The following DRAM2 variants were observed in gnomAD, a reference collection of about 807,000 sequenced individuals.
DRAM2 encodes DNA damage regulated autophagy modulator 2.
A neutral mutation model predicts 33.5 loss-of-function variants in DRAM2; 26 were observed. The observed-to-expected ratio is 0.78, with a 90% CI of 0.57 to 1.08. The LOEUF is 1.08. Among genes scored for constraint, DRAM2 ranks in the 50% least tolerant of loss-of-function variants. The pLI, the probability that DRAM2 is intolerant of heterozygous loss-of-function variation, is 0.00. For synonymous variants in DRAM2, 98 were observed against 109.5 expected, an observed-to-expected ratio of 0.89 and a Z score of 0.66; for missense variants, 311 against 318.1, an observed-to-expected ratio of 0.98 and a Z score of 0.17.
At chr1:111,127,531 A>C in intron 4 of DRAM2, among the ~76,000 whole-genome samples, 1 of 152,316 alleles carries the variant, frequency 6.6e-6, no homozygotes, top group Non-Finnish European at 1.5e-5. Flanking sequence ...AACAATTATA[A>C]AATAATAAAT....
chr1:111,133,251 C>T (rs1652488176), intron 3 of DRAM2, among the ~76,000 whole-genome samples: 1 of 150,142 alleles, frequency 6.7e-6, no homozygotes, highest in Admixed American at 6.6e-5. Context: ...AATCTCGGCT[C>T]GCTGCAACCT....
chr1:111,117,302 C>T lies in DRAM2; in HGVS notation c.*858G>A, dbSNP rs922476176. On this transcript the variant is annotated 3_prime_UTR_variant, in exon 10 of 10. Coordinates refer to ENST00000484310, the MANE Select transcript of DRAM2 (RefSeq NM_001349884.2). ...TACTTTTACATGTAATTATAACTTGCCATAAATGAAAATCTAAGAAGCTCT... is the reference window on the plus strand; with the variant it reads ...TACTTTTACATGTAATTATAACTTGTCATAAATGAAAATCTAAGAAGCTCT... 5.9e-5 allele frequency: 9 copies of T among 152,022 alleles called. No homozygotes were observed. The highest frequency in any genetic ancestry group is 2.2e-4 in the African/African-American group (9 of 41,418). 9.4% of individuals were successfully genotyped at this position (152,022 alleles called of 1,614,324 possible).
Position 111,119,818 on chromosome 1 carries a change from G to C in DRAM2, c.600+59C>G, listed in dbSNP as rs551519354. On this transcript the variant is annotated intron_variant, in intron 8 of 9. Transcript: ENST00000484310. ...ACTGATGAAATGAAAAACATATCAA[G>C]ATCAATCAAAATAACCATCTTTAAT... The C allele has an allele frequency of 3.6e-5, 48 of 1,328,400 alleles. 1 individual carries two copies. The South Asian group carries it at 5.4e-4, about 15-fold the overall frequency. The allele number at this position is 1,328,400 out of a possible 1,614,324, so 82.3% of individuals were successfully genotyped here.
intron 2 of DRAM2, among the ~76,000 whole-genome samples, chr1:111,137,899 A>G (rs1448065781): frequency 2.0e-5 from 3 of 152,244 alleles, no homozygotes; most frequent in African/African-American, 7.2e-5. Flanking sequence ...ACATGAGGAA[A>G]AAAATAATAG....
intron 7 of DRAM2, 47 bp from the exon 8 acceptor site, chr1:111,120,006 A>G (rs1384702697): frequency 1.3e-6 from 2 of 1,509,560 alleles, no homozygotes; most frequent in African/African-American, 2.8e-5. Flanking sequence ...GATCTCAGAG[A>G]ACAAAAATCA....
At chr1:111,135,698 G>C (rs142627799) in intron 3 of DRAM2, among the ~76,000 whole-genome samples, 44 of 152,218 alleles carry the variant, frequency 2.9e-4, no homozygotes, top group African/African-American at 8.2e-4. Flanking sequence ...TTTGTATGTA[G>C]AAATAAGCAC....
intron 8 of DRAM2, chr1:111,119,489 C>T (rs1649546019): frequency 5.7e-6 from 1 of 174,688 alleles, no homozygotes; most frequent in Non-Finnish European, 1.2e-5. Flanking sequence ...TATATTGAAT[C>T]CTAAATGCAG....
chr1:111,120,075 T>A, intron 7 of DRAM2, 116 bp from the exon 8 acceptor site: 1 of 872,310 alleles, frequency 1.1e-6, no homozygotes, highest in Non-Finnish European at 1.8e-6. Flanking sequence ...CCCATTTTCT[T>A]AAAGACTTAA....
rs1017240143 is a variant in DRAM2, at chr1:111,118,855, T to C, written c.643A>G (p.Met215Val). 2.5e-6 allele frequency: 4 copies of C among 1,610,248 alleles called. No individual in the cohort carries two copies. Among genetic ancestry groups the C allele is most frequent in the Admixed American group, 1.7e-5 (1 of 59,722 alleles). ...AAAAAACCAAAGAAGGAAAATGACA[T>C]AGACCATTCTGCTGCAGTAGTGATC... ...HMITTAAEWS[M>V]SFSFFGFFLT... Residue 215 changes from methionine (M) to valine (V), a missense_variant, in exon 9 of 10, where the codon ATG becomes GTG. Transcript: ENST00000484310.
At chr1:111,125,084 A>C (rs1037910097) in intron 5 of DRAM2, among the ~76,000 whole-genome samples, 1 of 151,862 alleles carries the variant, frequency 6.6e-6, no homozygotes, top group African/African-American at 2.4e-5. Context: ...TCTATGTTGC[A>C]CAGGCTGGAC....
At chr1:111,126,515 C>T (rs1651051865) in intron 4 of DRAM2, among the ~76,000 whole-genome samples, 1 of 151,714 alleles carries the variant, frequency 6.6e-6, no homozygotes, top group African/African-American at 2.4e-5. Context: ...ATTTCTCTTC[C>T]ACATAGTAGA....
intron 7 of DRAM2, 53 bp from the exon 8 acceptor site, chr1:111,120,012 A>C: frequency 6.7e-7 from 1 of 1,484,132 alleles, no homozygotes; most frequent in Non-Finnish European, 9.4e-7. Context: ...AGAGAACAAA[A>C]ATCACTTTAC....
intron 6 of DRAM2, among the ~76,000 whole-genome samples, chr1:111,121,864 A>T (rs1451213909): frequency 1.3e-5 from 2 of 152,170 alleles, no homozygotes; most frequent in Non-Finnish European, 2.9e-5. Context: ...CATTGTGCTT[A>T]TAATTAATAA....
chr1:111,120,312 C>T (rs745620561), intron 7 of DRAM2, among the ~76,000 whole-genome samples: 2 of 134,462 alleles, frequency 1.5e-5, no homozygotes, highest in Non-Finnish European at 3.1e-5. Flanking sequence ...TACTGAGGCA[C>T]TATGTACAAT....
At chr1:111,128,232 C>T (rs1435662443) in intron 4 of DRAM2, among the ~76,000 whole-genome samples, 2 of 147,470 alleles carry the variant, frequency 1.4e-5, no homozygotes, top group African/African-American at 5.0e-5. Flanking sequence ...AAGAATTTTG[C>T]AGACTTGCTA....
rs573796218 is a variant in DRAM2, at chr1:111,123,277, T to C, written c.339+1465A>G. On this transcript the variant is annotated intron_variant, in intron 6 of 9. Transcript: ENST00000484310. ...CAGCAAAACTAAATTTTCTCCAGGG[T>C]CCATTTTTTCTGACCTGTGCACACC... Among the ~76,000 whole-genome samples the C allele has an allele frequency of 3.9e-5, 6 of 152,198 alleles. No individual in the cohort carries two copies. The South Asian group carries it at 1.2e-3, about 32-fold the overall frequency.
At chr1:111,124,060 C>T (rs968939500) in intron 6 of DRAM2, among the ~76,000 whole-genome samples, 2 of 152,138 alleles carry the variant, frequency 1.3e-5, no homozygotes, top group African/African-American at 2.4e-5. Flanking sequence ...TTAACCCTTA[C>T]GTTTCCAGCT....
chr1:111,126,427 A>G (rs1337419970), intron 4 of DRAM2, 133 bp from the exon 5 acceptor site: 17 of 557,990 alleles, frequency 3.0e-5, no homozygotes, highest in Middle Eastern at 4.2e-4. Flanking sequence ...AACTCATATC[A>G]TTTTATACAG....
At chr1:111,137,147 G>A (rs1453311947) in intron 3 of DRAM2, among the ~76,000 whole-genome samples, 1 of 151,630 alleles carries the variant, frequency 6.6e-6, no homozygotes, top group East Asian at 1.9e-4. Context: ...CAGCTACTCG[G>A]GACGCTGAGG....
Sources: allele counts gnomAD v4.1 joint callset (sites outside exome capture counted in the v4.1 genomes callset), GRCh38; gene constraint gnomAD v4.1.1; transcripts MANE v1.5; gene names NCBI Gene and HGNC (gene_info 2026-07-23, HGNC 2026-07-21).